ADGRD2: variants seen among roughly 807,000 people sequenced by gnomAD.
ADGRD2 encodes adhesion G protein-coupled receptor D2.
Under a neutral mutation model 44.4 loss-of-function variants are expected in ADGRD2, and 71 were observed. That is an observed-to-expected ratio of 1.60 (90% CI 1.32 to 1.95). ADGRD2 has a LOEUF of 1.95. Among genes scored for constraint, ADGRD2 ranks in the 30% most tolerant of loss-of-function variants. The pLI is 0.00. For synonymous variants in ADGRD2, 481 were observed against 224.8 expected (o/e 2.14, Z -10.19); for missense variants, 1,039 against 512.4 (o/e 2.03, Z -9.92).
chr9:124,456,115 TCA>T (rs1831611690), intron 6 of ADGRD2, among the ~76,000 whole-genome samples: 1 of 152,180 alleles, frequency 6.6e-6, no homozygotes, highest in Non-Finnish European at 1.5e-5. Context: ...AGACTGAAGC[TCA>T]GTTTTCTTCC....
chr9:124,469,994 G>T (rs1199512683), intron 16 of ADGRD2, among the ~76,000 whole-genome samples: 1 of 152,132 alleles, frequency 6.6e-6, no homozygotes, highest in African/African-American at 2.4e-5. Flanking sequence ...TCGCCCTCTG[G>T]GGTCACACTC....
intron 17 of ADGRD2, among the ~76,000 whole-genome samples, chr9:124,471,207 G>A (rs909276876): frequency 9.8e-5 from 15 of 152,286 alleles, no homozygotes; most frequent in African/African-American, 3.6e-4. Flanking sequence ...AGGGGGCTGG[G>A]TGCTGGGAGT....
chr9:124,474,260 A>C (rs1286296547), intron 17 of ADGRD2, among the ~76,000 whole-genome samples: 3 of 126,280 alleles, frequency 2.4e-5, no homozygotes, highest in Non-Finnish European at 4.8e-5. Context: ...GGGCAATAAG[A>C]GTGAAAACTC....
exon 3 of ADGRD2, chr9:124,453,183 C>G (rs1262761778): frequency 1.4e-6 from 1 of 689,708 alleles, no homozygotes; most frequent in South Asian, 1.5e-5. Flanking sequence ...CAGCGCTCTT[C>G]TCCGTTGCCG....
At position 124,470,477 on chromosome 9, in the gene ADGRD2, T is replaced by G. The variant is rs1312741678; in HGVS notation, c.2638-17T>G. The G allele has an allele frequency of 5.7e-6, 4 of 707,018 alleles. No individual in the cohort carries two copies. Among genetic ancestry groups the G allele is most frequent in the Non-Finnish European group, 7.8e-6 (3 of 383,042 alleles). 43.8% of individuals were successfully genotyped at this position (707,018 alleles called of 1,614,324 possible). A position where few individuals can be genotyped will look rare whatever the true frequency, so the allele number is the denominator to read the frequency against. On this transcript the variant is annotated splice_polypyrimidine_tract_variant and intron_variant, in intron 16 of 21. Transcript: ENST00000334810. ...CAGGCCTCCCAACCCCCGTCAGCCC[T>G]GCCTGCCCTCCTACAGGGCCACGGT...
intron 10 of ADGRD2, among the ~76,000 whole-genome samples, chr9:124,462,036 G>C: frequency 6.7e-6 from 1 of 150,146 alleles, no homozygotes; most frequent in Non-Finnish European, 1.5e-5. Context: ...TGTGAGCCAC[G>C]GTGCCTGGCC....
chr9:124,470,968 G>T (rs1324308206), intron 17 of ADGRD2, among the ~76,000 whole-genome samples: 1 of 152,236 alleles, frequency 6.6e-6, no homozygotes, highest in African/African-American at 2.4e-5. Flanking sequence ...AGCTGGGGAG[G>T]GGACACAGGG....
At chr9:124,475,722 G>A (rs1380335544) in intron 19 of ADGRD2, 107 bp downstream of exon 22, 2 of 559,980 alleles carry the variant, frequency 3.6e-6, no homozygotes, top group East Asian at 3.2e-5. Context: ...CCAGCTGGGG[G>A]ACCAGCCTGA....
chr9:124,472,475 TTTTTGTTTTGTTTTTGTTTTTG>T (rs1330845186), intron 17 of ADGRD2, among the ~76,000 whole-genome samples: 9 of 117,956 alleles, frequency 7.6e-5, no homozygotes, highest in African/African-American at 2.7e-4. Flanking sequence ...TTGTTTTTTG[TTTTTGTTTTGTTTTTGTTTTTG>T]TTTTGTTTTG....
chr9:124,463,894 G>A (rs916012779), intron 10 of ADGRD2, among the ~76,000 whole-genome samples: 5 of 152,010 alleles, frequency 3.3e-5, no homozygotes, highest in Admixed American at 2.6e-4. Context: ...CTGGAGTGCG[G>A]TGGCACCATC....
intron 1 of ADGRD2, 29 bp from the exon 5 acceptor site, chr9:124,452,481 C>T (rs1027913704): frequency 2.8e-6 from 2 of 717,890 alleles, no homozygotes; most frequent in Middle Eastern, 2.4e-4. Context: ...ACAAAATGCA[C>T]CCCCCACCGT....
intron 21 of ADGRD2, 43 bp downstream of exon 24, chr9:124,476,752 C>A: frequency 1.5e-6 from 1 of 685,798 alleles, no homozygotes; most frequent in South Asian, 1.5e-5. Context: ...TCTTTTTGGG[C>A]CTGGACACCC....
chr9:124,452,273 C>T, intron 1 of ADGRD2, 119 bp downstream of exon 4: 1 of 635,102 alleles, frequency 1.6e-6, no homozygotes, highest in Non-Finnish European at 2.9e-6. Flanking sequence ...TAGTTCCACC[C>T]CCACCATACC....
Position 124,470,594 on chromosome 9 carries a change from G to A in ADGRD2, c.2740G>A (p.Val914Met), listed in dbSNP as rs10120236. The change falls in exon 17 of 22, where the codon GTG (valine) becomes ATG (methionine). Residue 914 changes from valine (V) to methionine (M), a missense_variant. Transcript: ENST00000334810. The stretch of plus-strand genomic sequence containing the variant: ...GAGCCCCGCCTGGGCCTACGCTGCC[G>A]TGGGCCTCAACTCCATCCAGGTACC... The A allele has an allele frequency of 2.7e-3, 1,943 of 707,806 alleles. 20 individuals carry two copies. In the African/African-American group the frequency reaches 0.028, roughly 10 times the overall value. The allele number at this position is 707,806 out of a possible 1,614,324, so 43.8% of individuals were successfully genotyped here.
chr9:124,476,315 T>A, intron 19 of ADGRD2, 42 bp from the exon 23 acceptor site: 1 of 678,064 alleles, frequency 1.5e-6, no homozygotes, highest in Non-Finnish European at 2.7e-6. Context: ...GAGAGAGGGC[T>A]TCCTGCCTTC....
upstream of ADGRD2, among the ~76,000 whole-genome samples, chr9:124,450,613 G>A (rs1374069088): frequency 6.6e-6 from 1 of 152,236 alleles, no homozygotes; most frequent in Non-Finnish European, 1.5e-5. Context: ...CGCAGTGGTG[G>A]GCAAACTTCG....
chr9:124,456,644 T>C, exon 7 of ADGRD2: 1 of 718,028 alleles, frequency 1.4e-6, no homozygotes, highest in South Asian at 1.5e-5. Flanking sequence ...CCTATGGCCC[T>C]GGTGGCGAGT....
chr9:124,453,695 C>CCT lies in ADGRD2; in HGVS notation c.923+19_923+20insCT. The CCT allele has an allele frequency of 4.4e-6, 3 of 678,246 alleles. No individual in the cohort carries two copies. Among genetic ancestry groups the CCT allele is most frequent in the East Asian group, 2.8e-5 (1 of 35,594 alleles). The allele number at this position is 678,246 out of a possible 1,614,324, so 42.0% of individuals were successfully genotyped here. Reference sequence around the variant, plus strand: ...TGTCCCGGTACGACCCGCCCCGCCCCGGCCCCACCCCATGGCCCCGAATCC... The same window carrying CCT: ...TGTCCCGGTACGACCCGCCCCGCCCCCTGGCCCCACCCCATGGCCCCGAATCC... On this transcript the variant is annotated intron_variant, in intron 3 of 21. Transcript: ENST00000334810.
At chr9:124,451,726 G>C (rs1026221289), upstream of ADGRD2, 1 of 273,366 alleles carries the variant, frequency 3.7e-6, no homozygotes, top group Admixed American at 5.0e-5. Flanking sequence ...TGGGAGGGCA[G>C]TGCCTGGGAG....
Sources: allele counts gnomAD v4.1 joint callset (sites outside exome capture counted in the v4.1 genomes callset), GRCh38; gene constraint gnomAD v4.1.1; transcripts MANE v1.5; gene names NCBI Gene and HGNC (gene_info 2026-07-23, HGNC 2026-07-21).